The following WBP11 variants were observed in gnomAD, a reference collection of about 807,000 sequenced individuals.
WBP11 encodes WW domain-binding protein 11.
In WBP11, 12 loss-of-function variants were observed where a neutral mutation model predicts 66.7. The ratio of observed to expected loss-of-function variants is 0.18; its 90% CI spans 0.12 to 0.29. The LOEUF is 0.29. WBP11 is among the 10% of genes least tolerant of loss of function. The pLI is 1.00. For missense variants in WBP11, 555 were observed against 818.3 expected, an observed-to-expected ratio of 0.68 and a Z score of 3.93; for synonymous variants, 255 against 273.8, an observed-to-expected ratio of 0.93 and a Z score of 0.68.
rs770880115 is a variant in WBP11 at position 14,790,795 on chromosome 12, TAC to T, written c.1016-48_1016-47del. On this transcript the variant is annotated intron_variant, in intron 9 of 11. Transcript: ENST00000261167. ...AGTAAATGGAGTTGATTCATTTTCT[TAC>T]AGTTTGGAGAACAGCAATGACTGAA... The T allele has an allele frequency of 2.5e-5, 39 of 1,561,272 alleles. No individual in the cohort carries two copies. The East Asian group carries it at 4.7e-4, about 19-fold the overall frequency.
intron 8 of WBP11, among the ~76,000 whole-genome samples, chr12:14,792,709 T>C (rs1949834602): frequency 6.6e-6 from 1 of 151,968 alleles, no homozygotes; most frequent in Non-Finnish European, 1.5e-5. Flanking sequence ...GGCGGGTGCC[T>C]GTAATCCCAG....
At chr12:14,795,160 C>A in intron 5 of WBP11, 56 bp from the exon 6 acceptor site, 2 of 1,475,196 alleles carry the variant, frequency 1.4e-6, no homozygotes, top group Non-Finnish European at 1.8e-6. Flanking sequence ...TAACTAAACA[C>A]TAAAAATGAC....
At chr12:14,801,038 GA>G (rs1565675568) in intron 2 of WBP11, 1 of 454,494 alleles carries the variant, frequency 2.2e-6, no homozygotes, top group African/African-American at 2.0e-5. Flanking sequence ...CATAAAACGC[GA>G]AACAAGGGCT....
At chr12:14,791,017 C>T (rs1949815735) in intron 9 of WBP11, 152 bp downstream of exon 9, 1 of 798,636 alleles carries the variant, frequency 1.3e-6, no homozygotes, top group Non-Finnish European at 1.9e-6. Context: ...TAACTTTAGG[C>T]AGCCTATATA....
At position 14,793,738 on chromosome 12, in the gene WBP11, C is replaced by A. The variant is rs1473631763; in HGVS notation, c.906G>T (p.Lys302Asn). 1 of 1,613,740 alleles carries A rather than the reference C, an allele frequency of 6.2e-7. No homozygotes were observed. Among genetic ancestry groups the A allele is most frequent in the East Asian group, 2.2e-5 (1 of 44,866 alleles). ...TCCTTCATCTGCACATACCTGACTT[C>A]TTTTCTTCATTGTTGTCTCTCTCAC... ...DNGERDNNEE[K>N]KSGLSVRFAD... is the part of the protein sequence containing the mutation. Residue 302 changes from lysine (K) to asparagine (N), a missense_variant, in exon 8 of 12, where the codon AAG (lysine) becomes AAT (asparagine). Physicochemically the swap from Lys to Asn is moderately conservative, Grantham distance 94 (BLOSUM62 0). Around this residue, in one of 6 missense-constraint regions of WBP11, gnomAD observed 220 missense variants for 268.2 expected, o/e 0.82. Coordinates refer to ENST00000261167, the MANE Select transcript of WBP11 (RefSeq NM_016312.3).
chr12:14,790,795 T>C, intron 9 of WBP11, 46 bp from the exon 10 acceptor site: 1 of 1,561,272 alleles, frequency 6.4e-7, no homozygotes, highest in East Asian at 2.2e-5. Context: ...TTCATTTTCT[T>C]ACAGTTTGGA....
chr12:14,787,553 A>G, intron 11 of WBP11, 55 bp from the exon 12 acceptor site: 1 of 1,374,404 alleles, frequency 7.3e-7, no homozygotes, highest in Non-Finnish European at 9.5e-7. Context: ...AAATTTAACT[A>G]CTATTAAGGA....
intron 3 of WBP11, among the ~76,000 whole-genome samples, chr12:14,800,491 A>G (rs1949949685): frequency 6.6e-6 from 1 of 152,126 alleles, no homozygotes; most frequent in Non-Finnish European, 1.5e-5. Context: ...GAGTAAAAAA[A>G]AGAATTATTT....
intron 8 of WBP11, among the ~76,000 whole-genome samples, chr12:14,793,197 G>A (rs1197428308): frequency 6.6e-6 from 1 of 152,142 alleles, no homozygotes; most frequent in Non-Finnish European, 1.5e-5. Context: ...TCCACTGTCA[G>A]TACCCATTAT....
chr12:14,793,631 A>G, intron 8 of WBP11, 100 bp downstream of exon 8: 1 of 1,404,422 alleles, frequency 7.1e-7, no homozygotes, highest in Non-Finnish European at 9.6e-7. Flanking sequence ...CCCGACTTCC[A>G]AAGATTTCAG....
At chr12:14,802,797 G>C (rs773359212) in intron 1 of WBP11, among the ~76,000 whole-genome samples, 19 of 152,104 alleles carry the variant, frequency 1.2e-4, no homozygotes, top group African/African-American at 1.7e-4. Flanking sequence ...TTGATTGCCT[G>C]CGTTTTTTGT....
chr12:14,801,289 A>G (rs1291893385), intron 2 of WBP11, 31 bp downstream of exon 2: 1 of 1,608,388 alleles, frequency 6.2e-7, no homozygotes, highest in Non-Finnish European at 8.5e-7. Flanking sequence ...ACACTCTCCT[A>G]CTTCATCATT....
At position 14,787,102 on chromosome 12, in the gene WBP11, T is replaced by C; in HGVS notation, c.1889A>G (p.Tyr630Cys). Residue 630 changes from tyrosine (Y) to cysteine (C), a missense_variant, in exon 12 of 12, where the codon TAT (tyrosine) becomes TGT (cysteine). Tyr to Cys is a radical substitution (Grantham distance 194). Transcript: ENST00000261167. ...PVSVQTKDDV[Y>C]EAFMKEMEGL... The stretch of plus-strand genomic sequence containing the variant: ...TTCCATCTCTTTCATGAAAGCCTCA[T>C]AGACATCATCCTTAGTTTGTACTGA... The C allele has an allele frequency of 1.2e-6, 2 of 1,613,710 alleles. No homozygotes were observed. The highest frequency in any genetic ancestry group is 1.7e-6 in the Non-Finnish European group (2 of 1,179,848).
At position 14,785,800 on chromosome 12, in the gene WBP11, T is replaced by C. The variant is rs1164234302; in HGVS notation, c.*1265A>G. The C allele has an allele frequency of 6.6e-6, 1 of 152,234 alleles. No individual in the cohort carries two copies. The highest frequency in any genetic ancestry group is 2.4e-5 in the African/African-American group (1 of 41,464). 9.4% of individuals were successfully genotyped at this position (152,234 alleles called of 1,614,324 possible). On this transcript the variant is annotated 3_prime_UTR_variant, in exon 12 of 12. Transcript: ENST00000261167. ...CTAAACAATGCACGCACTGTGTGTA[T>C]GTGTTTATGAAATACACACTTTGGA...
chr12:14,787,016 T>C lies in WBP11; in HGVS notation c.*49A>G. 6.6e-7 allele frequency: 1 copy of C among 1,517,492 alleles called. No homozygotes were observed. Among genetic ancestry groups the C allele is most frequent in the South Asian group, 1.3e-5 (1 of 78,790 alleles). The allele number at this position is 1,517,492 out of a possible 1,614,324, so 94.0% of individuals were successfully genotyped here. A position where few individuals can be genotyped will look rare whatever the true frequency, so the allele number is the denominator to read the frequency against. ...TCTAAGTTTAATAAGAGCCTCTTTC[T>C]CCATGGGCCACTGTTGTGAACAGAA... On this transcript the variant is annotated 3_prime_UTR_variant, in exon 12 of 12. Coordinates refer to ENST00000261167, the MANE Select transcript of WBP11 (RefSeq NM_016312.3).
rs1190259440 is a variant in WBP11, at chr12:14,801,444, C to T, written c.-45-16G>A. On this transcript the variant is annotated splice_polypyrimidine_tract_variant and intron_variant, in intron 1 of 11. Coordinates refer to ENST00000261167, the MANE Select transcript of WBP11 (RefSeq NM_016312.3). ...AAAGAAAAACCTGTGAAGGTGAAGA[C>T]AAAGAAATAGCTTATATCTCCTAAA... 4 of 1,509,222 alleles carry T rather than the reference C, an allele frequency of 2.7e-6. No homozygotes were observed. In the Admixed American group the frequency reaches 5.1e-5, roughly 19 times the overall value. The allele number at this position is 1,509,222 out of a possible 1,614,324, so 93.5% of individuals were successfully genotyped here. A position where few individuals can be genotyped will look rare whatever the true frequency, so the allele number is the denominator to read the frequency against.
chr12:14,792,694 G>A (rs1175040240), intron 8 of WBP11, among the ~76,000 whole-genome samples: 6 of 152,020 alleles, frequency 3.9e-5, no homozygotes, highest in Non-Finnish European at 5.9e-5. Context: ...TTAGCTGGGT[G>A]TGGTGGCGGG....
In WBP11 at chr12:14,796,721, C is replaced by T. The variant is rs936340261; in HGVS notation, c.387+86G>A. 1.8e-5 allele frequency: 23 copies of T among 1,272,922 alleles called. No individual in the cohort carries two copies. The highest frequency in any genetic ancestry group is 3.2e-5 in the South Asian group (2 of 61,918). The allele number at this position is 1,272,922 out of a possible 1,614,324, so 78.9% of individuals were successfully genotyped here. A position where few individuals can be genotyped will look rare whatever the true frequency, so the allele number is the denominator to read the frequency against. On this transcript the variant is annotated intron_variant, in intron 5 of 11. Transcript: ENST00000261167. The surrounding 1 kb of genome is among the most constrained non-coding windows in gnomAD (Gnocchi z 4.5). ...AAACCCAACAACCCTAAATCCAAAA[C>T]ACTTCTGGTCCCAAGCACTTTGCAT... is the stretch of plus-strand genomic sequence containing the variant.
intron 8 of WBP11, among the ~76,000 whole-genome samples, chr12:14,793,317 T>A (rs1949845045): frequency 6.6e-6 from 1 of 152,222 alleles, no homozygotes; most frequent in Admixed American, 6.5e-5. Context: ...GTACCTGGGT[T>A]ATAATTATGA....
Sources: allele counts gnomAD v4.1 joint callset (sites outside exome capture counted in the v4.1 genomes callset), GRCh38; gene constraint gnomAD v4.1.1; regional missense constraint gnomAD v4.1.1; non-coding constraint Gnocchi (gnomAD v3.1); transcripts MANE v1.5; gene names NCBI Gene and HGNC (gene_info 2026-07-23, HGNC 2026-07-21).